The following CTNND2 variants were observed in gnomAD, a reference collection of about 807,000 sequenced individuals.
The protein encoded by CTNND2 is catenin delta 2, also known as catenin delta-2.
A neutral mutation model predicts 144.4 loss-of-function variants in CTNND2; 22 were observed. The observed-to-expected ratio is 0.15, with a 90% CI of 0.11 to 0.22. The LOEUF is 0.22. Among genes scored for constraint, CTNND2 ranks in the 10% least tolerant of loss-of-function variants. CTNND2 has a pLI of 1.00. For synonymous variants in CTNND2, 751 were observed against 695.6 expected (o/e 1.08, Z -1.25); for missense variants, 1,353 against 1,618.8 (o/e 0.84, Z 2.82).
intron 5 of CTNND2, among the ~76,000 whole-genome samples, chr5:11,408,658 A>G (rs1761279567): frequency 1.3e-5 from 2 of 152,270 alleles, no homozygotes; most frequent in African/African-American, 4.8e-5. Flanking sequence ...TTTCTGAAAA[A>G]TAAATATTTG....
At chr5:11,757,220 A>G (rs1561769011) in intron 1 of CTNND2, among the ~76,000 whole-genome samples, 1 of 151,416 alleles carries the variant, frequency 6.6e-6, no homozygotes. Context: ...AAATGTGATG[A>G]TGCTATATAT....
At chr5:11,817,877 A>T (rs1793077977) in intron 1 of CTNND2, among the ~76,000 whole-genome samples, 2 of 152,140 alleles carry the variant, frequency 1.3e-5, no homozygotes, top group South Asian at 4.1e-4. Context: ...AGAAGCACAT[A>T]ATCTGATTCG....
intron 3 of CTNND2, among the ~76,000 whole-genome samples, chr5:11,413,081 C>A (rs887324748): frequency 1.3e-5 from 2 of 152,086 alleles, no homozygotes; most frequent in African/African-American, 4.8e-5. Flanking sequence ...AGACATGTGA[C>A]TGTTATGGGG....
intron 3 of CTNND2, among the ~76,000 whole-genome samples, chr5:11,422,419 A>T (rs1762444609): frequency 6.6e-6 from 1 of 152,158 alleles, no homozygotes; most frequent in Non-Finnish European, 1.5e-5. Context: ...ATCAGAACTA[A>T]ATTGCCGCTA....
intron 3 of CTNND2, among the ~76,000 whole-genome samples, chr5:11,481,653 GAGAC>G (rs995349356): frequency 2.0e-5 from 3 of 152,014 alleles, no homozygotes; most frequent in African/African-American, 2.4e-5. Context: ...AAGAGACAGA[GAGAC>G]AGACAGACAG....
intron 18 of CTNND2, among the ~76,000 whole-genome samples, chr5:10,996,971 T>C (rs1213883244): frequency 2.0e-5 from 3 of 152,032 alleles, no homozygotes. Context: ...GTGGAATATA[T>C]GGGGGATAAC....
chr5:11,411,784 A>C (rs1761560340), intron 4 of CTNND2, 132 bp from the exon 5 acceptor site: 2 of 725,286 alleles, frequency 2.8e-6, no homozygotes, highest in Non-Finnish European at 4.5e-6. Flanking sequence ...TAGCTATTCC[A>C]TTTTAATTTT....
intron 16 of CTNND2, among the ~76,000 whole-genome samples, chr5:11,063,767 T>A (rs563562713): frequency 6.9e-6 from 1 of 145,552 alleles, no homozygotes; most frequent in South Asian, 2.3e-4. Context: ...AACTAAACTA[T>A]ATTCCTGGCA....
intron 11 of CTNND2, among the ~76,000 whole-genome samples, chr5:11,162,781 T>G (rs1460051163): frequency 6.6e-6 from 1 of 151,066 alleles, no homozygotes; most frequent in Non-Finnish European, 1.5e-5. Flanking sequence ...GAGACAGGTT[T>G]AAGCATAGAA....
chr5:11,252,155 C>A (rs194487), intron 9 of CTNND2, among the ~76,000 whole-genome samples: 1 of 151,980 alleles, frequency 6.6e-6, no homozygotes, highest in Admixed American at 6.6e-5. Context: ...CAAACTTGTA[C>A]GTGAACTTAA....
chr5:11,313,480 C>T (rs1396447897), intron 9 of CTNND2, among the ~76,000 whole-genome samples: 2 of 152,180 alleles, frequency 1.3e-5, no homozygotes, highest in Non-Finnish European at 2.9e-5. Context: ...CTGTGAGGTG[C>T]AGTGGAAGGG....
At chr5:11,027,111 A>G (rs1012439751) in intron 16 of CTNND2, 6 of 152,198 alleles carry the variant, frequency 3.9e-5, no homozygotes, top group African/African-American at 1.4e-4. Context: ...ATGAAAGCAA[A>G]GTGGATACCT....
At chr5:11,712,028 T>C (rs1333417730) in intron 2 of CTNND2, among the ~76,000 whole-genome samples, 1 of 152,214 alleles carries the variant, frequency 6.6e-6, no homozygotes, top group African/African-American at 2.4e-5. Flanking sequence ...TGTGTAATGT[T>C]GGATAAAAGA....
intron 2 of CTNND2, among the ~76,000 whole-genome samples, chr5:11,664,200 T>C (rs1425316571): frequency 1.3e-5 from 2 of 152,240 alleles, no homozygotes; most frequent in South Asian, 2.1e-4. Context: ...GTACATACTA[T>C]ATTGTTATCA....
chr5:11,793,335 C>T (rs1791237183), intron 1 of CTNND2, among the ~76,000 whole-genome samples: 1 of 152,146 alleles, frequency 6.6e-6, no homozygotes, highest in Admixed American at 6.5e-5. Context: ...TCCTTGATGC[C>T]TTTCATAATG....
At chr5:11,704,700 G>A (rs1785613995) in intron 2 of CTNND2, among the ~76,000 whole-genome samples, 1 of 151,750 alleles carries the variant, frequency 6.6e-6, no homozygotes, top group Admixed American at 6.6e-5. Context: ...TTTGTCTTCA[G>A]CTTGTTCCTC....
At chr5:11,011,622 A>G (rs1220773235) in intron 18 of CTNND2, among the ~76,000 whole-genome samples, 1 of 152,184 alleles carries the variant, frequency 6.6e-6, no homozygotes, top group Non-Finnish European at 1.5e-5. Flanking sequence ...CCATAAGCTG[A>G]ACATTGGAAA....
chr5:11,862,879 AGT>A (rs1001051109), intron 1 of CTNND2, among the ~76,000 whole-genome samples: 26 of 152,300 alleles, frequency 1.7e-4, no homozygotes, highest in African/African-American at 6.3e-4. Context: ...AATAAAATAG[AGT>A]GAATATCATT....
At chr5:11,115,162 A>C (rs1753417975) in intron 13 of CTNND2, among the ~76,000 whole-genome samples, 1 of 152,186 alleles carries the variant, frequency 6.6e-6, no homozygotes, top group Non-Finnish European at 1.5e-5. Context: ...AATTATTTCA[A>C]CTTCCTCTTT....
Sources: allele counts gnomAD v4.1 joint callset (sites outside exome capture counted in the v4.1 genomes callset), GRCh38; gene constraint gnomAD v4.1.1; transcripts MANE v1.5; gene names NCBI Gene and HGNC (gene_info 2026-07-23, HGNC 2026-07-21).